GDAP1: variants seen among roughly 807,000 people sequenced by gnomAD.
GDAP1 encodes ganglioside induced differentiation associated protein 1, also known as ganglioside-induced differentiation-associated protein 1.
A neutral mutation model predicts 40.1 loss-of-function variants in GDAP1; 34 were observed. That is an observed-to-expected ratio of 0.85 (90% CI 0.64 to 1.13). The LOEUF is 1.13. GDAP1 is among the 50% of genes most tolerant of loss of function. The pLI is 0.00. For synonymous variants in GDAP1, 170 were observed against 157.4 expected (o/e 1.08, Z -0.60); for missense variants, 374 against 433.7 (o/e 0.86, Z 1.22).
intron 2 of GDAP1, among the ~76,000 whole-genome samples, chr8:74,472,646 G>A (rs1273270614): frequency 1.3e-5 from 2 of 151,726 alleles, no homozygotes; most frequent in Non-Finnish European, 2.9e-5. Context: ...GGTGTGAGAT[G>A]GTATCTCATT....
intron 2 of GDAP1, among the ~76,000 whole-genome samples, chr8:74,413,065 CAAAAAAA>C (rs71269990): frequency 7.0e-5 from 4 of 57,156 alleles, no homozygotes; most frequent in East Asian, 5.9e-4. Flanking sequence ...GACTCTGTCT[CAAAAAAA>C]AAAAAAAAAA....
chr8:74,353,520 T>C (rs1043255779), intron 2 of GDAP1, among the ~76,000 whole-genome samples: 1 of 152,228 alleles, frequency 6.6e-6, no homozygotes, highest in Non-Finnish European at 1.5e-5. Context: ...ATCACAATTA[T>C]AATTAAGATG....
At chr8:74,379,152 C>A (rs1809909051) in intron 2 of GDAP1, among the ~76,000 whole-genome samples, 1 of 542 alleles carries the variant, frequency 1.8e-3, no homozygotes, top group Non-Finnish European at 6.9e-3. Context: ...GGGTCCGACT[C>A]AGGCTTTTTG....
intron 2 of GDAP1, among the ~76,000 whole-genome samples, chr8:74,352,129 A>G (rs921165087): frequency 1.3e-5 from 2 of 152,242 alleles, no homozygotes; most frequent in African/African-American, 4.8e-5. Flanking sequence ...GGGTTGCCCA[A>G]AGTAATATAG....
intron 2 of GDAP1, among the ~76,000 whole-genome samples, chr8:74,418,818 A>G (rs1277098293): frequency 6.6e-6 from 1 of 151,856 alleles, no homozygotes; most frequent in African/African-American, 2.4e-5. Context: ...CATATAAACA[A>G]CTATCAAATG....
Position 74,415,108 on chromosome 8 carries a change from A to G in GDAP1, c.165+63787A>G, listed in dbSNP as rs148684261. Among the ~76,000 whole-genome samples, 339 of 150,188 alleles carry G rather than the reference A, an allele frequency of 2.3e-3. 45 individuals carry two copies. Among genetic ancestry groups the G allele is most frequent in the African/African-American group, 8.0e-3 (315 of 39,482 alleles). ...ATCCTTCCAGAGTGAAAGAGTAATA[A>G]AAAGAGTCTCAGATGAAGCAAAGCT... On this transcript the variant is annotated intron_variant, in intron 2 of 2. Transcript: ENST00000523640.
intron 2 of GDAP1, among the ~76,000 whole-genome samples, chr8:74,484,741 T>G (rs1301686248): frequency 1.3e-5 from 2 of 152,092 alleles, no homozygotes; most frequent in Non-Finnish European, 2.9e-5. Flanking sequence ...TTCTGCTGCA[T>G]TCTGCTTGTT....
intron 2 of GDAP1, among the ~76,000 whole-genome samples, chr8:74,397,251 TA>T (rs1475708644): frequency 6.6e-6 from 1 of 151,684 alleles, no homozygotes. Flanking sequence ...AGATTCTGGA[TA>T]TTAGCCCTTT....
In GDAP1 at chr8:74,364,236, G is replaced by T. The variant is rs1809515182; in HGVS notation, c.946G>T (p.Ala316Ser). ...PTAFRVAKKR[A>S]PKVLGTTLVV... ...AGCATTCCGGGTGGCCAAGAAAAGGGCCCCAAAAGTTCTTGGCACGACCCT... is the reference window on the plus strand; with the variant it reads ...AGCATTCCGGGTGGCCAAGAAAAGGTCCCCAAAAGTTCTTGGCACGACCCT... Residue 316 changes from alanine to serine, a missense_variant, in exon 6 of 6, where the codon GCC becomes TCC. By Grantham distance (99) the Ala-to-Ser change is moderately conservative (BLOSUM62 1). Coordinates refer to ENST00000220822, the MANE Select transcript of GDAP1 (RefSeq NM_018972.4). 1 of 1,614,086 alleles carries T rather than the reference G, an allele frequency of 6.2e-7. No individual in the cohort carries two copies. Among genetic ancestry groups the T allele is most frequent in the Admixed American group, 1.7e-5 (1 of 60,012 alleles).
intron 2 of GDAP1, among the ~76,000 whole-genome samples, chr8:74,466,388 G>A (rs1480980671): frequency 6.6e-6 from 1 of 152,110 alleles, no homozygotes; most frequent in Non-Finnish European, 1.5e-5. Flanking sequence ...TGGCTTTGTG[G>A]AGAAAAAAAC....
intron 2 of GDAP1, among the ~76,000 whole-genome samples, chr8:74,423,794 T>G (rs1433315551): frequency 6.6e-6 from 1 of 152,028 alleles, no homozygotes; most frequent in African/African-American, 2.4e-5. Context: ...AATTATGAGT[T>G]TGGGAGCTTA....
chr8:74,415,729 T>C (rs765887303), intron 2 of GDAP1, among the ~76,000 whole-genome samples: 3 of 149,580 alleles, frequency 2.0e-5, no homozygotes, highest in Admixed American at 1.3e-4. Flanking sequence ...CAGTCTCCAG[T>C]GGGGATAGAG....
In GDAP1 at chr8:74,365,071, G is replaced by T. The variant is rs1378189870; in HGVS notation, c.*704G>T. The T allele has an allele frequency of 2.2e-6, 1 of 454,002 alleles. No individual in the cohort carries two copies. The highest frequency in any genetic ancestry group is 6.9e-5 in the East Asian group (1 of 14,398). The allele number at this position is 454,002 out of a possible 1,614,324, so 28.1% of individuals were successfully genotyped here. A position where few individuals can be genotyped will look rare whatever the true frequency, so the allele number is the denominator to read the frequency against. On this transcript the variant is annotated 3_prime_UTR_variant, in exon 6 of 6. Transcript: ENST00000220822. ...CCATTCCTCTGGATGGTCATGTCCA[G>T]TCAGTGGGAGGTAGAAAGGGTGGCA...
intron 2 of GDAP1, among the ~76,000 whole-genome samples, chr8:74,478,003 G>A (rs927080667): frequency 3.3e-5 from 5 of 151,990 alleles, no homozygotes; most frequent in Admixed American, 1.3e-4. Context: ...TATCCTATGC[G>A]CACATTCGAG....
chr8:74,378,193 C>T (rs1227760600), intron 2 of GDAP1, among the ~76,000 whole-genome samples: 3 of 152,146 alleles, frequency 2.0e-5, no homozygotes, highest in African/African-American at 7.2e-5. Context: ...GAGTGATTTG[C>T]CTACCAGGCC....
intron 2 of GDAP1, among the ~76,000 whole-genome samples, chr8:74,375,980 C>A (rs567960810): frequency 3.6e-4 from 55 of 152,236 alleles, no homozygotes; most frequent in African/African-American, 1.2e-3. Flanking sequence ...TAACAACATG[C>A]AATTGAAGAA....
intron 2 of GDAP1, among the ~76,000 whole-genome samples, chr8:74,479,986 CTTTTT>C (rs71271807): frequency 3.9e-5 from 4 of 102,930 alleles, no homozygotes; most frequent in Non-Finnish European, 3.8e-5. Context: ...AATGGACTCT[CTTTTT>C]TTTTTTTTTT....
intron 2 of GDAP1, among the ~76,000 whole-genome samples, chr8:74,396,561 T>C (rs1221617547): frequency 6.6e-6 from 1 of 151,780 alleles, no homozygotes; most frequent in African/African-American, 2.4e-5. Flanking sequence ...TGTGTCCATG[T>C]GTTCTCATTG....
intron 2 of GDAP1, among the ~76,000 whole-genome samples, chr8:74,391,991 G>A (rs957635943): frequency 6.6e-6 from 1 of 151,966 alleles, no homozygotes; most frequent in Non-Finnish European, 1.5e-5. Context: ...GCAAATTTTT[G>A]TATTTTTAGT....
Sources: gnomAD v4.1 joint callset for allele counts (sites outside exome capture counted in the v4.1 genomes callset) on GRCh38, gnomAD v4.1.1 for gene constraint, MANE v1.5 for transcripts, NCBI Gene and HGNC (gene_info 2026-07-23, HGNC 2026-07-21) for gene names.